The following MBP variants were observed in gnomAD, a reference collection of about 807,000 sequenced individuals.
The protein encoded by MBP is Golli-MBP.
In MBP, 16 loss-of-function variants were observed where a neutral mutation model predicts 35.8. That is an observed-to-expected ratio of 0.45 (90% CI 0.30 to 0.68). MBP has a LOEUF of 0.68. Ranked by LOEUF, MBP falls within the 30% of genes least tolerant of loss-of-function variation. MBP has a pLI of 0.08. For missense variants in MBP, 380 were observed against 404.7 expected (o/e 0.94, Z 0.52); for synonymous variants, 143 against 159.6 (o/e 0.90, Z 0.78).
chr18:77,073,195 C>T (rs1366516864), intron 2 of MBP, among the ~76,000 whole-genome samples: 1 of 152,084 alleles, frequency 6.6e-6, no homozygotes, highest in Non-Finnish European at 1.5e-5. Flanking sequence ...TTTTTGCTCT[C>T]TTTAAATTTT....
At chr18:77,106,211 C>T (rs1055911398) in intron 1 of MBP, among the ~76,000 whole-genome samples, 7 of 152,190 alleles carry the variant, frequency 4.6e-5, no homozygotes, top group East Asian at 1.9e-4. Flanking sequence ...CTTCTGAACA[C>T]GGGGAGAGAG....
chr18:77,083,384 T>C (rs1975059530), intron 2 of MBP, among the ~76,000 whole-genome samples: 1 of 152,174 alleles, frequency 6.6e-6, no homozygotes, highest in Non-Finnish European at 1.5e-5. Flanking sequence ...TGACCTTTTC[T>C]TTCGACAAAG....
At chr18:77,026,417 T>C (rs776650914) in intron 3 of MBP, among the ~76,000 whole-genome samples, 5 of 152,156 alleles carry the variant, frequency 3.3e-5, no homozygotes, top group Non-Finnish European at 7.4e-5. Flanking sequence ...GAATAAAACA[T>C]AACGCAGAAA....
chr18:77,058,161 C>T (rs1599157799), intron 3 of MBP, among the ~76,000 whole-genome samples: 1 of 152,300 alleles, frequency 6.6e-6, no homozygotes, highest in African/African-American at 2.4e-5. Context: ...CAGGGCTGCA[C>T]CGGCTCTTCA....
chr18:77,079,152 G>T (rs982394806), intron 2 of MBP, among the ~76,000 whole-genome samples: 1 of 152,240 alleles, frequency 6.6e-6, no homozygotes, highest in Non-Finnish European at 1.5e-5. Flanking sequence ...GCTCAGAGTG[G>T]CTGGTAAAGG....
In MBP at chr18:77,132,643, G is replaced by C. The variant is rs62104564; in HGVS notation, c.-89C>G. On this transcript the variant is annotated 5_prime_UTR_variant, in exon 1 of 9. Coordinates refer to ENST00000355994, the MANE Select transcript of MBP (RefSeq NM_001025101.2). Reference sequence around the variant, plus strand: ...CGGGGTCCAAGGCCCTGCTCCGCCTGCCCAGGCCCGGGCAGGCTGGTCTCG... The same window carrying C: ...CGGGGTCCAAGGCCCTGCTCCGCCTCCCCAGGCCCGGGCAGGCTGGTCTCG... 0.27 allele frequency: 41,438 copies of C among 152,100 alleles called. 6,032 individuals are homozygous for C. The highest frequency in any genetic ancestry group is 0.32 in the Non-Finnish European group (21,485 of 67,958). The allele number at this position is 152,100 out of a possible 1,614,324, so 9.4% of individuals were successfully genotyped here.
intron 4 of MBP, among the ~76,000 whole-genome samples, chr18:76,999,461 A>ATT (rs113779985): frequency 6.3e-4 from 91 of 144,502 alleles, no homozygotes; most frequent in African/African-American, 1.5e-3. Context: ...TAGTTTAGGT[A>ATT]TTTTTTTTTT....
chr18:77,020,395 A>C lies in MBP; in HGVS notation c.140-3127T>G, dbSNP rs915148926. The stretch of plus-strand genomic sequence containing the variant: ...TCTTCTACGTCGGTTTCCACAAAGG[A>C]CCTCTTTCAGTAACTGCCCTGGGGT... On this transcript the variant is annotated intron_variant, in intron 3 of 8. Transcript: ENST00000355994. The surrounding 1 kb of genome is among the most constrained non-coding windows in gnomAD (Gnocchi z 4.1). Among the ~76,000 whole-genome samples, 1 of 151,844 alleles carries C rather than the reference A, an allele frequency of 6.6e-6. No individual in the cohort carries two copies. Among genetic ancestry groups the C allele is most frequent in the Non-Finnish European group, 1.5e-5 (1 of 67,952 alleles).
intron 3 of MBP, among the ~76,000 whole-genome samples, chr18:77,018,778 ATC>A (rs1971828331): frequency 6.9e-6 from 1 of 145,634 alleles, no homozygotes; most frequent in African/African-American, 2.7e-5. Flanking sequence ...CCATCCATCC[ATC>A]CACATATCAG....
chr18:76,987,000 C>G, intron 7 of MBP: 1 of 985,402 alleles, frequency 1.0e-6, no homozygotes, highest in Non-Finnish European at 1.2e-6. Context: ...AACAGACAAG[C>G]AGACAAAATG....
intron 2 of MBP, among the ~76,000 whole-genome samples, chr18:77,083,560 T>A (rs1975066639): frequency 6.6e-6 from 1 of 152,202 alleles, no homozygotes; most frequent in South Asian, 2.1e-4. Context: ...GTGTTATTCA[T>A]GATAGCCAAA....
At chr18:77,029,809 C>T (rs1298738423) in intron 3 of MBP, among the ~76,000 whole-genome samples, 1 of 151,794 alleles carries the variant, frequency 6.6e-6, no homozygotes, top group African/African-American at 2.4e-5. Flanking sequence ...CACACACACA[C>T]GCAGTCACCA....
chr18:76,985,782 G>A (rs1249226404), intron 7 of MBP: 11 of 992,558 alleles, frequency 1.1e-5, no homozygotes, highest in Admixed American at 1.1e-4. Flanking sequence ...GGGGCTGTGC[G>A]AGAACACAAG....
chr18:77,021,597 C>T (rs747257471), intron 3 of MBP, among the ~76,000 whole-genome samples: 4 of 151,468 alleles, frequency 2.6e-5, no homozygotes, highest in South Asian at 2.1e-4. Flanking sequence ...CATTCTCCTG[C>T]GTCAGCCTCC....
chr18:76,983,419 C>G (rs1211347329), intron 8 of MBP: 1 of 152,274 alleles, frequency 6.6e-6, no homozygotes, highest in African/African-American at 2.4e-5. Context: ...GGGGCGGGGC[C>G]GTCCTGACTG....
intron 2 of MBP, among the ~76,000 whole-genome samples, chr18:77,099,292 C>A (rs1418993849): frequency 1.3e-5 from 2 of 152,162 alleles, no homozygotes; most frequent in Admixed American, 1.3e-4. Context: ...AGCTGTGCTG[C>A]CCAGACCTAC....
rs1232466903 is a variant in MBP at position 77,029,265 on chromosome 18, G to C, written c.140-11997C>G. On this transcript the variant is annotated intron_variant, in intron 3 of 8. Transcript: ENST00000355994. ...CTCCACCAAAAAAATACGAAAACCAGTCAGGCGTGGCGGCGCGCGCCTGCA... is the reference window on the plus strand; with the variant it reads ...CTCCACCAAAAAAATACGAAAACCACTCAGGCGTGGCGGCGCGCGCCTGCA... 1.7e-4 allele frequency among the ~76,000 whole-genome samples: 25 copies of C among 149,694 alleles called. 1 individual carries two copies. In the East Asian group the frequency reaches 4.6e-3, roughly 27 times the overall value.
At position 77,132,620 on chromosome 18, in the gene MBP, G is replaced by A. The variant is rs138577195; in HGVS notation, c.-66C>T. The A allele has an allele frequency of 0.051, 7,780 of 152,334 alleles. 367 individuals are homozygous for A. The highest frequency in any genetic ancestry group is 0.13 in the African/African-American group (5,274 of 41,524). 9.4% of individuals were successfully genotyped at this position (152,334 alleles called of 1,614,324 possible). ...TGCTCCGAGGCCGAGGGGCGCCGCGGGGTCCAAGGCCCTGCTCCGCCTGCC... is the reference window on the plus strand; with the variant it reads ...TGCTCCGAGGCCGAGGGGCGCCGCGAGGTCCAAGGCCCTGCTCCGCCTGCC... On this transcript the variant is annotated 5_prime_UTR_variant, in exon 1 of 9. Transcript: ENST00000355994.
At chr18:77,105,604 CATCT>C (rs1372543679) in intron 1 of MBP, among the ~76,000 whole-genome samples, 8 of 152,232 alleles carry the variant, frequency 5.3e-5, no homozygotes, top group African/African-American at 1.7e-4. Flanking sequence ...TCCACCCATC[CATCT>C]ATCCATTCAT....
Sources: allele counts gnomAD v4.1 joint callset (sites outside exome capture counted in the v4.1 genomes callset), GRCh38; gene constraint gnomAD v4.1.1; non-coding constraint Gnocchi (gnomAD v3.1); transcripts MANE v1.5; gene names NCBI Gene and HGNC (gene_info 2026-07-23, HGNC 2026-07-21).